DENND4A: variants seen among roughly 807,000 people sequenced by gnomAD.
DENND4A encodes the protein DENN domain containing 4A, also known as C-myc promoter-binding protein.
DENND4A carries 70 observed loss-of-function variants against 199.3 expected under a neutral mutation model. The ratio of observed to expected loss-of-function variants is 0.35; its 90% CI spans 0.29 to 0.43. The LOEUF (loss-of-function observed/expected upper bound fraction) is 0.43. Among genes scored for constraint, DENND4A ranks in the 20% least tolerant of loss-of-function variants. The probability of loss-of-function intolerance (pLI) is 1.00; values close to 1 mark genes in which losing one functional copy is unlikely to be tolerated. For missense variants in DENND4A, 1,723 were observed against 2,255.8 expected (o/e 0.76, Z 4.78); for synonymous variants, 686 against 766.9 (o/e 0.89, Z 1.74).
chr15:65,717,006 T>G (rs1046507679), intron 13 of DENND4A, among the ~76,000 whole-genome samples: 11 of 152,358 alleles, frequency 7.2e-5, no homozygotes, highest in Non-Finnish European at 1.2e-4. Flanking sequence ...CTACTCATCT[T>G]TCAGATCATG....
chr15:65,771,556 C>T, intron 1 of DENND4A: 2 of 1,612,404 alleles, frequency 1.2e-6, no homozygotes, highest in Non-Finnish European at 8.5e-7. Context: ...TGGGCATCAG[C>T]TGGATAAACA....
At chr15:65,725,414 C>T (rs985168823) in intron 11 of DENND4A, among the ~76,000 whole-genome samples, 2 of 152,250 alleles carry the variant, frequency 1.3e-5, no homozygotes, top group African/African-American at 2.4e-5. Context: ...CGGTGGCTCA[C>T]GCCTGTAATC....
intron 21 of DENND4A, 69 bp from the exon 22 acceptor site, chr15:65,696,566 G>T: frequency 8.3e-7 from 1 of 1,205,200 alleles, no homozygotes; most frequent in Non-Finnish European, 1.1e-6. Context: ...ATCAAGAGAA[G>T]TTTTCAGTTC....
At chr15:65,725,663 T>C (rs74695623) in intron 11 of DENND4A, among the ~76,000 whole-genome samples, 27,560 of 146,170 alleles carry the variant, frequency 0.19, 3,644 homozygotes, top group East Asian at 0.72. Flanking sequence ...GGCAACAGAG[T>C]GAGACTCTGT....
At chr15:65,720,648 G>A (rs904596522) in intron 12 of DENND4A, among the ~76,000 whole-genome samples, 5 of 139,852 alleles carry the variant, frequency 3.6e-5, no homozygotes, top group Admixed American at 7.2e-5. Context: ...CTGACCTCAG[G>A]TGATCCACCT....
Position 65,752,575 on chromosome 15 carries a change from C to T in DENND4A, c.365G>A (p.Ser122Asn), listed in dbSNP as rs563587300. The change falls in exon 4 of 33, where the codon AGT (serine) becomes AAT (asparagine). Residue 122 changes from serine (S) to asparagine (N), a missense_variant. By Grantham distance (46) the Ser-to-Asn change is conservative. This residue lies in a region of DENND4A where 725 missense variants were observed against 952.9 expected (regional missense o/e 0.76). Coordinates refer to ENST00000443035, the MANE Select transcript of DENND4A (RefSeq NM_001320835.1). ...RLKQGCEIIQ[S>N]TPYGRPANIS... ...ATTTGCGGGGCGCCCATAGGGAGTACTCTGAATAATTTCACAACCCTGTTT... is the reference window on the plus strand; with the variant it reads ...ATTTGCGGGGCGCCCATAGGGAGTATTCTGAATAATTTCACAACCCTGTTT... 2.5e-6 allele frequency: 4 copies of T among 1,602,746 alleles called. No individual in the cohort carries two copies. In the East Asian group the frequency reaches 9.0e-5, roughly 36 times the overall value.
chr15:65,703,342 A>G, intron 15 of DENND4A, among the ~76,000 whole-genome samples: 1 of 152,248 alleles, frequency 6.6e-6, no homozygotes, highest in East Asian at 1.9e-4. Flanking sequence ...ATATTAGATA[A>G]TATGACAGTT....
intron 14 of DENND4A, among the ~76,000 whole-genome samples, chr15:65,709,974 T>C (rs867346306): frequency 1.3e-5 from 2 of 151,952 alleles, no homozygotes; most frequent in South Asian, 4.1e-4. Flanking sequence ...ATTATACATT[T>C]AATAGAATTT....
At chr15:65,696,095 T>C (rs2077136245) in intron 22 of DENND4A, among the ~76,000 whole-genome samples, 1 of 152,118 alleles carries the variant, frequency 6.6e-6, no homozygotes, top group Non-Finnish European at 1.5e-5. Flanking sequence ...TCTCCTGATG[T>C]CACTTTCCCC....
chr15:65,686,280 CAT>C (rs146614522), intron 23 of DENND4A, among the ~76,000 whole-genome samples: 133 of 152,262 alleles, frequency 8.7e-4, no homozygotes, highest in African/African-American at 2.9e-3. Flanking sequence ...AATAGCCAAA[CAT>C]AGTTTATCTT....
intron 23 of DENND4A, among the ~76,000 whole-genome samples, chr15:65,686,888 A>C (rs916166638): frequency 6.6e-6 from 1 of 151,996 alleles, no homozygotes; most frequent in Non-Finnish European, 1.5e-5. Flanking sequence ...AAAATTGTAC[A>C]GACAGGGTCT....
At position 65,705,778 on chromosome 15, in the gene DENND4A, G is replaced by GA. The variant is rs200353871; in HGVS notation, c.2087+312dup. 5.1e-4 allele frequency among the ~76,000 whole-genome samples: 77 copies of GA among 150,200 alleles called. No individual in the cohort carries two copies. In the East Asian group the frequency reaches 6.0e-3, roughly 12 times the overall value. ...TGAAAGTGAGGAAACCAGCTTTAAC[G>GA]AAAAAAAAATCAAAATTCTAGTGCT... On this transcript the variant is annotated intron_variant, in intron 15 of 32. Transcript: ENST00000443035.
In DENND4A at chr15:65,660,126, A is replaced by C; in HGVS notation, c.*1725T>G. 1.8e-6 allele frequency: 1 copy of C among 552,270 alleles called. No individual in the cohort carries two copies. The highest frequency in any genetic ancestry group is 3.2e-6 in the Non-Finnish European group (1 of 312,554). 34.2% of individuals were successfully genotyped at this position (552,270 alleles called of 1,614,324 possible). A position where few individuals can be genotyped will look rare whatever the true frequency, so the allele number is the denominator to read the frequency against. On this transcript the variant is annotated 3_prime_UTR_variant, in exon 33 of 33. Coordinates refer to ENST00000443035, the MANE Select transcript of DENND4A (RefSeq NM_001320835.1). ...AACATGAAGAACAAGTAGAACATGAAGCTTGGATCTGAATAGTAAAGAATA... is the reference window on the plus strand; with the variant it reads ...AACATGAAGAACAAGTAGAACATGACGCTTGGATCTGAATAGTAAAGAATA...
At chr15:65,713,675 T>C (rs2075309901) in intron 14 of DENND4A, among the ~76,000 whole-genome samples, 1 of 152,236 alleles carries the variant, frequency 6.6e-6, no homozygotes, top group Non-Finnish European at 1.5e-5. Context: ...TAGATTTGCC[T>C]GTGGAAATCC....
intron 4 of DENND4A, among the ~76,000 whole-genome samples, chr15:65,748,984 C>A (rs1218716665): frequency 6.7e-6 from 1 of 150,066 alleles, no homozygotes; most frequent in Non-Finnish European, 1.5e-5. Flanking sequence ...CAGAACAAGA[C>A]CCTGTCTCTA....
chr15:65,791,462 C>T (rs1222502142), intron 1 of DENND4A, among the ~76,000 whole-genome samples: 2 of 143,598 alleles, frequency 1.4e-5, no homozygotes, highest in African/African-American at 2.5e-5. Flanking sequence ...CCACCACACA[C>T]CCCCCCAAAA....
chr15:65,764,728 C>T (rs1200513671), intron 1 of DENND4A, among the ~76,000 whole-genome samples: 1 of 151,976 alleles, frequency 6.6e-6, no homozygotes, highest in African/African-American at 2.4e-5. Context: ...AATCCCAGCA[C>T]TCTGGGAGAC....
intron 24 of DENND4A, among the ~76,000 whole-genome samples, chr15:65,672,756 TC>T (rs1231040696): frequency 7.9e-5 from 12 of 152,182 alleles, no homozygotes; most frequent in Non-Finnish European, 1.8e-4. Context: ...TGTGGTCAAA[TC>T]AGTTGTCGAC....
chr15:65,686,099 T>C (rs894561751), intron 23 of DENND4A, among the ~76,000 whole-genome samples: 1 of 152,210 alleles, frequency 6.6e-6, no homozygotes, highest in African/African-American at 2.4e-5. Flanking sequence ...GATATACATT[T>C]AGATGCCAAT....
Sources: allele counts gnomAD v4.1 joint callset (sites outside exome capture counted in the v4.1 genomes callset), GRCh38; gene constraint gnomAD v4.1.1; regional missense constraint gnomAD v4.1.1; transcripts MANE v1.5; gene names NCBI Gene and HGNC (gene_info 2026-07-23, HGNC 2026-07-21).